The following VSIG10L variants were observed in gnomAD, a reference collection of about 807,000 sequenced individuals.
The protein encoded by VSIG10L is V-set and immunoglobulin domain-containing protein 10-like.
VSIG10L carries 63 observed loss-of-function variants against 67.3 expected under a neutral mutation model. The ratio of observed to expected loss-of-function variants is 0.94; its 90% CI spans 0.76 to 1.15. The LOEUF is 1.15. VSIG10L is among the 50% of genes most tolerant of loss of function. The pLI is 0.00. For missense variants in VSIG10L, 1,050 were observed against 1,177.5 expected (o/e 0.89, Z 1.58); for synonymous variants, 499 against 524.9 (o/e 0.95, Z 0.67).
At position 51,339,124 on chromosome 19, in the gene VSIG10L, G is replaced by A; in HGVS notation, c.1493C>T (p.Pro498Leu). Reference sequence around the variant, plus strand: ...GGGACCCCCTTCAACTGAGCACTGTGGGGCCCCGGGGGGCAGGTCTGCGGA... The same window carrying A: ...GGGACCCCCTTCAACTGAGCACTGTAGGGCCCCGGGGGGCAGGTCTGCGGA... ...LTVADLPPGA[P>L]QCSVEGGPGD... The change falls in exon 5 of 10, where the codon CCA (proline) becomes CTA (leucine). Residue 498 changes from proline (P) to leucine (L), a missense_variant. Pro to Leu is a moderately conservative substitution (Grantham distance 98, BLOSUM62 -3). Around this residue, in one of 3 missense-constraint regions of VSIG10L, gnomAD observed 529 missense variants for 584.9 expected, o/e 0.90. Coordinates refer to ENST00000335624, the MANE Select transcript of VSIG10L (RefSeq NM_001163922.3). The A allele has an allele frequency of 6.9e-6, 9 of 1,312,150 alleles. No homozygotes were observed. The highest frequency in any genetic ancestry group is 8.8e-6 in the Non-Finnish European group (9 of 1,022,254). 81.3% of individuals were successfully genotyped at this position (1,312,150 alleles called of 1,614,324 possible). A position where few individuals can be genotyped will look rare whatever the true frequency, so the allele number is the denominator to read the frequency against.
At chr19:51,336,383 C>T (rs1461275688) in intron 7 of VSIG10L, among the ~76,000 whole-genome samples, 1 of 152,044 alleles carries the variant, frequency 6.6e-6, no homozygotes, top group Non-Finnish European at 1.5e-5. Context: ...ATGGTGAAAT[C>T]CCATCTCTAC....
Position 51,340,950 on chromosome 19 carries a change from G to A in VSIG10L, c.895+203C>T. On this transcript the variant is annotated intron_variant, in intron 2 of 9. Coordinates refer to ENST00000335624, the MANE Select transcript of VSIG10L (RefSeq NM_001163922.3). This position sits in a 1 kb window ranked among gnomAD's most constrained non-coding sequence, Gnocchi z 6.3. ...CCTCCTCCTCCTCCCTCAGACCTGG[G>A]AGTTCAGGCTCCCAGGAGTCTCCAT... The A allele has an allele frequency of 1.1e-6, 1 of 940,970 alleles. No homozygotes were observed. Among genetic ancestry groups the A allele is most frequent in the Non-Finnish European group, 1.5e-6 (1 of 677,788 alleles). 58.3% of individuals were successfully genotyped at this position (940,970 alleles called of 1,614,324 possible).
At chr19:51,338,753 A>T in intron 5 of VSIG10L, 135 bp downstream of exon 5, 2 of 1,076,598 alleles carry the variant, frequency 1.9e-6, no homozygotes, top group Non-Finnish European at 2.4e-6. Flanking sequence ...TCCCTTTTCT[A>T]GTTTGAAGAC....
At chr19:51,337,188 C>A in intron 7 of VSIG10L, 50 bp downstream of exon 7, 2 of 1,498,768 alleles carry the variant, frequency 1.3e-6, no homozygotes, top group Non-Finnish European at 1.8e-6. Context: ...CAGGGAGACA[C>A]GGAGGATCTG....
At position 51,340,253 on chromosome 19, in the gene VSIG10L, G is replaced by A. The variant is rs566198508; in HGVS notation, c.1236C>T (p.Ala412=). Residue 412 remains alanine (A), a synonymous_variant, in exon 4 of 10, where the codon GCC becomes GCT. Coordinates refer to ENST00000335624, the MANE Select transcript of VSIG10L (RefSeq NM_001163922.3). This position sits in a 1 kb window ranked among gnomAD's most constrained non-coding sequence, Gnocchi z 6.3. Reference sequence around the variant, plus strand: ...CCGCGGTGACAAAGCGGGCAGGCGCGGCGTCGCGGTCCGAGGAGACCGTGA... The same window carrying A: ...CCGCGGTGACAAAGCGGGCAGGCGCAGCGTCGCGGTCCGAGGAGACCGTGA... The part of the protein sequence containing the change: ...PTITVSSDRD[A]APARFVTAGS... The A allele has an allele frequency of 2.0e-6, 3 of 1,513,390 alleles. No homozygotes were observed. The highest frequency in any genetic ancestry group is 2.7e-5 in the East Asian group (1 of 37,576). The allele number at this position is 1,513,390 out of a possible 1,614,324, so 93.7% of individuals were successfully genotyped here. A position where few individuals can be genotyped will look rare whatever the true frequency, so the allele number is the denominator to read the frequency against.
intron 7 of VSIG10L, among the ~76,000 whole-genome samples, chr19:51,334,803 G>A (rs1425143753): frequency 6.7e-6 from 1 of 148,528 alleles, no homozygotes; most frequent in Non-Finnish European, 1.5e-5. Context: ...CTAGCCAGGT[G>A]CGGTGGCTGC....
chr19:51,340,093 C>A lies in VSIG10L; in HGVS notation c.1396G>T (p.Ala466Ser), dbSNP rs1206703149. 7 of 1,371,788 alleles carry A rather than the reference C, an allele frequency of 5.1e-6. No individual in the cohort carries two copies. The highest frequency in any genetic ancestry group is 1.7e-5 in the South Asian group (1 of 59,916). The allele number at this position is 1,371,788 out of a possible 1,614,324, so 85.0% of individuals were successfully genotyped here. ...LLLPAVGPGH[A>S]GTYACLAANP... ...GCCGCCAGGCAGGCGTAGGTGCCTG[C>A]GTGGCCCGGTCCGACCGCGGGCAGC... The change falls in exon 4 of 10, where the codon GCA (alanine) becomes TCA (serine). Residue 466 changes from alanine (A) to serine (S), a missense_variant. Coordinates refer to ENST00000335624, the MANE Select transcript of VSIG10L (RefSeq NM_001163922.3). This position sits in a 1 kb window ranked among gnomAD's most constrained non-coding sequence, Gnocchi z 6.3.
chr19:51,336,443 A>T (rs1225441872), intron 7 of VSIG10L, among the ~76,000 whole-genome samples: 1 of 151,990 alleles, frequency 6.6e-6, no homozygotes, highest in Non-Finnish European at 1.5e-5. Flanking sequence ...AATCCTAGCT[A>T]CTCGGGAGGC....
chr19:51,335,916 C>T (rs1349952473), intron 7 of VSIG10L, among the ~76,000 whole-genome samples: 2 of 151,966 alleles, frequency 1.3e-5, no homozygotes, highest in Admixed American at 1.3e-4. Flanking sequence ...TGTCCACACC[C>T]CCCACCTCCC....
In VSIG10L at chr19:51,341,536, T is replaced by C. The variant is rs1421617472; in HGVS notation, c.512A>G (p.Lys171Arg). The change falls in exon 2 of 10, where the codon AAA becomes AGA. Residue 171 changes from lysine (K) to arginine (R), a missense_variant. By Grantham distance (26) the Lys-to-Arg change is conservative. Transcript: ENST00000335624. ...GGATTCAGGGCTCTGGGCAGAGAGT[T>C]TAAGATCCATATCATCCGGGGAGAA... Reference protein sequence around the residue: ...SKFSPDDMDLKLSAQSPESKF... With the variant: ...SKFSPDDMDLRLSAQSPESKF... 1 of 1,551,560 alleles carries C rather than the reference T, an allele frequency of 6.4e-7. No homozygotes were observed. The highest frequency in any genetic ancestry group is 8.7e-7 in the Non-Finnish European group (1 of 1,147,000).
chr19:51,340,377 C>G lies in VSIG10L; in HGVS notation c.1189+56G>C. Reference sequence around the variant, plus strand: ...CTAGGACTCCCGGAGACTGGGTCCCCAGCCCGCTTCTCCCCAAGGACCCCC... The same window carrying G: ...CTAGGACTCCCGGAGACTGGGTCCCGAGCCCGCTTCTCCCCAAGGACCCCC... On this transcript the variant is annotated intron_variant, in intron 3 of 9. Coordinates refer to ENST00000335624, the MANE Select transcript of VSIG10L (RefSeq NM_001163922.3). The surrounding 1 kb of genome is among the most constrained non-coding windows in gnomAD (Gnocchi z 6.3). 6.8e-7 allele frequency: 1 copy of G among 1,460,420 alleles called. No individual in the cohort carries two copies. The highest frequency in any genetic ancestry group is 9.0e-7 in the Non-Finnish European group (1 of 1,105,556). 90.5% of individuals were successfully genotyped at this position (1,460,420 alleles called of 1,614,324 possible). A position where few individuals can be genotyped will look rare whatever the true frequency, so the allele number is the denominator to read the frequency against.
At position 51,340,569 on chromosome 19, in the gene VSIG10L, G is replaced by T; in HGVS notation, c.1053C>A (p.Ala351=). 6.5e-7 allele frequency: 1 copy of T among 1,535,550 alleles called. No individual in the cohort carries two copies. The highest frequency in any genetic ancestry group is 8.7e-7 in the Non-Finnish European group (1 of 1,146,184). The change falls in exon 3 of 10, where the codon GCC becomes GCA. Residue 351 remains alanine, a synonymous_variant. Transcript: ENST00000335624. The surrounding 1 kb of genome is among the most constrained non-coding windows in gnomAD (Gnocchi z 6.3). ...CCTCTGAGCGCATCCGGGGCGTCTC[G>T]GCTCCCTCCGATTCCGCCGCCTCCA... is the stretch of plus-strand genomic sequence containing the variant. The part of the protein sequence containing the change: ...RALEAAESEG[A]ETPRMRSEGD...
In VSIG10L at chr19:51,334,302, G is replaced by A; in HGVS notation, c.2308C>T (p.Pro770Ser). ...PSQSRVYRAG[P>S]TLSHGAIAGI... ...GCGATGGCCCCATGGCTCAACGTGGGGCCTGGAAGAGACAAAGAGAAGAAA... is the reference window on the plus strand; with the variant it reads ...GCGATGGCCCCATGGCTCAACGTGGAGCCTGGAAGAGACAAAGAGAAGAAA... The change falls in exon 8 of 10, where the codon CCC becomes TCC. Residue 770 changes from proline (P) to serine (S), a missense_variant and splice_region_variant. This residue lies in a region of VSIG10L where 529 missense variants were observed against 584.9 expected (regional missense o/e 0.90). Transcript: ENST00000335624. 1 of 1,550,844 alleles carries A rather than the reference G, an allele frequency of 6.4e-7. No individual in the cohort carries two copies. Among genetic ancestry groups the A allele is most frequent in the Non-Finnish European group, 8.7e-7 (1 of 1,146,636 alleles).
In VSIG10L at chr19:51,339,165, G is replaced by T. The variant is rs1272410717; in HGVS notation, c.1475-23C>A. ...GGTCTGCGGAGAGAAGGGAGAGAATGAAGATGGAGTCCCTTTCTCATTTCT... is the reference window on the plus strand; with the variant it reads ...GGTCTGCGGAGAGAAGGGAGAGAATTAAGATGGAGTCCCTTTCTCATTTCT... On this transcript the variant is annotated intron_variant, in intron 4 of 9. Transcript: ENST00000335624. 6 of 1,277,630 alleles carry T rather than the reference G, an allele frequency of 4.7e-6. No individual in the cohort carries two copies. The East Asian group carries it at 1.9e-4, about 40-fold the overall frequency. The allele number at this position is 1,277,630 out of a possible 1,614,324, so 79.1% of individuals were successfully genotyped here.
At chr19:51,333,090 TTCTC>T (rs762497740) in intron 9 of VSIG10L, among the ~76,000 whole-genome samples, 1 of 152,148 alleles carries the variant, frequency 6.6e-6, no homozygotes, top group Non-Finnish European at 1.5e-5. Context: ...GCTCAAGTGA[TTCTC>T]TCTCCTCAAC....
In VSIG10L at chr19:51,340,595, G is replaced by C. The variant is rs1209898178; in HGVS notation, c.1027C>G (p.Leu343Val). ...GCTCCCTCCGATTCCGCCGCCTCCA[G>C]GGCGCGTCCGTCCCGGCTCCAGCTC... ...ELSWSRDGRALEAAESEGAET... is the reference protein window; with the variant it reads ...ELSWSRDGRAVEAAESEGAET... The change falls in exon 3 of 10, where the codon CTG (leucine) becomes GTG (valine). Residue 343 changes from leucine to valine, a missense_variant. Leu to Val is a conservative substitution (Grantham distance 32). Transcript: ENST00000335624. This position sits in a 1 kb window ranked among gnomAD's most constrained non-coding sequence, Gnocchi z 6.3. The C allele has an allele frequency of 6.5e-7, 1 of 1,535,408 alleles. No homozygotes were observed. Among genetic ancestry groups the C allele is most frequent in the Non-Finnish European group, 8.7e-7 (1 of 1,146,430 alleles).
At position 51,339,135 on chromosome 19, in the gene VSIG10L, G is replaced by A. The variant is rs927578268; in HGVS notation, c.1482C>T (p.Pro494=). ...SLLNLTVADL[P]PGAPQCSVEG... ...CAACTGAGCACTGTGGGGCCCCGGGGGGCAGGTCTGCGGAGAGAAGGGAGA... is the reference window on the plus strand; with the variant it reads ...CAACTGAGCACTGTGGGGCCCCGGGAGGCAGGTCTGCGGAGAGAAGGGAGA... Residue 494 remains proline, a synonymous_variant, in exon 5 of 10, where the codon CCC becomes CCT. Transcript: ENST00000335624. 6.9e-6 allele frequency: 9 copies of A among 1,302,454 alleles called. No homozygotes were observed. Among genetic ancestry groups the A allele is most frequent in the African/African-American group, 1.5e-5 (1 of 64,654 alleles). 80.7% of individuals were successfully genotyped at this position (1,302,454 alleles called of 1,614,324 possible). A position where few individuals can be genotyped will look rare whatever the true frequency, so the allele number is the denominator to read the frequency against.
chr19:51,334,674 G>A (rs1985440909), intron 7 of VSIG10L, among the ~76,000 whole-genome samples: 1 of 152,214 alleles, frequency 6.6e-6, no homozygotes, highest in Non-Finnish European at 1.5e-5. Flanking sequence ...AGGTGTGGTG[G>A]CTCACACCTG....
At chr19:51,337,892 A>C in intron 6 of VSIG10L, 38 bp downstream of exon 6, 1 of 1,507,972 alleles carries the variant, frequency 6.6e-7, no homozygotes, top group South Asian at 1.3e-5. Context: ...GCGGCTGGGG[A>C]CGTGGACTTC....
Sources: allele counts gnomAD v4.1 joint callset (sites outside exome capture counted in the v4.1 genomes callset), GRCh38; gene constraint gnomAD v4.1.1; regional missense constraint gnomAD v4.1.1; non-coding constraint Gnocchi (gnomAD v3.1); transcripts MANE v1.5; gene names NCBI Gene and HGNC (gene_info 2026-07-23, HGNC 2026-07-21).